Variants in ANO3 observed in about 807,000 individuals in gnomAD.
The protein encoded by ANO3 is anoctamin 3.
A neutral mutation model predicts 144.8 loss-of-function variants in ANO3; 99 were observed. The ratio of observed to expected loss-of-function variants is 0.68; its 90% CI spans 0.58 to 0.81. The LOEUF (loss-of-function observed/expected upper bound fraction) is 0.81, where lower values mean the gene tolerates loss of function less well. Ranked by LOEUF, ANO3 falls within the 30% of genes least tolerant of loss-of-function variation. The pLI, the probability that ANO3 is intolerant of heterozygous loss-of-function variation, is 0.00. For missense variants in ANO3, 905 were observed against 1,202.2 expected, an observed-to-expected ratio of 0.75 and a Z score of 3.66; for synonymous variants, 414 against 392.6, an observed-to-expected ratio of 1.05 and a Z score of -0.64.
chr11:26,340,513 C>A (rs1855328319), intron 1 of ANO3, among the ~76,000 whole-genome samples: 1 of 152,156 alleles, frequency 6.6e-6, no homozygotes, highest in East Asian at 1.9e-4. Flanking sequence ...TCCCTCTAGA[C>A]CTACCGAATC....
chr11:26,442,123 A>G lies in ANO3; in HGVS notation c.241+11A>G. Reference sequence around the variant, plus strand: ...ACAAAGCAGAGCAAGGTGAGCAGCAATTCCTATTTTCTTGTTCAATTTATA... The same window carrying G: ...ACAAAGCAGAGCAAGGTGAGCAGCAGTTCCTATTTTCTTGTTCAATTTATA... On this transcript the variant is annotated intron_variant, in intron 2 of 26. Coordinates refer to ENST00000256737, the MANE Select transcript of ANO3 (RefSeq NM_031418.4). 6.2e-7 allele frequency: 1 copy of G among 1,604,836 alleles called. No homozygotes were observed. Among genetic ancestry groups the G allele is most frequent in the South Asian group, 1.1e-5 (1 of 89,420 alleles).
intron 17 of ANO3, among the ~76,000 whole-genome samples, chr11:26,607,743 T>C (rs1180272681): frequency 6.6e-6 from 1 of 152,220 alleles, no homozygotes; most frequent in African/African-American, 2.4e-5. Context: ...GATACTTGTG[T>C]ATGCTTTATG....
intron 14 of ANO3, among the ~76,000 whole-genome samples, chr11:26,598,033 T>A (rs1358590682): frequency 6.6e-6 from 1 of 152,134 alleles, no homozygotes; most frequent in East Asian, 1.9e-4. Context: ...TTTATTTGAG[T>A]CTTTAGATAA....
chr11:26,456,313 A>G (rs1323668295), intron 3 of ANO3, among the ~76,000 whole-genome samples: 3 of 152,124 alleles, frequency 2.0e-5, no homozygotes, highest in East Asian at 1.9e-4. Flanking sequence ...CAAAATTTTC[A>G]CAACCTCCTC....
chr11:26,547,072 A>C (rs1019521800), intron 11 of ANO3, among the ~76,000 whole-genome samples: 2 of 151,844 alleles, frequency 1.3e-5, no homozygotes, highest in African/African-American at 2.4e-5. Context: ...CTTAATTTTC[A>C]TGAAAGCTAT....
chr11:26,395,343 A>G lies in ANO3; in HGVS notation c.47-46575A>G, dbSNP rs191410591. ...TCAGTGGTAATTTGATGGTGATAGC[A>G]TTGAATCTCTAAATTACTTTGGGCA... On this transcript the variant is annotated intron_variant, in intron 1 of 26. Coordinates refer to ENST00000256737, the MANE Select transcript of ANO3 (RefSeq NM_031418.4). 1.9e-4 allele frequency among the ~76,000 whole-genome samples: 29 copies of G among 152,244 alleles called. 1 individual carries two copies. The highest frequency in any genetic ancestry group is 7.2e-4 in the Admixed American group (11 of 15,288).
In ANO3 at chr11:26,215,052, C is replaced by A. The variant is rs115449135; in HGVS notation, c.154+25722C>A. On this transcript the variant is annotated intron_variant, in intron 1 of 27. Transcript: ENST00000672621. ...GATCACATCATGACAAAGGTACGTA[C>A]TATCAACATGACTTATAATCACTGA... 2.3e-3 allele frequency among the ~76,000 whole-genome samples: 344 copies of A among 152,062 alleles called. 3 individuals are homozygous for A. The highest frequency in any genetic ancestry group is 8.0e-3 in the African/African-American group (334 of 41,510).
intron 11 of ANO3, among the ~76,000 whole-genome samples, chr11:26,547,007 G>A (rs1849806132): frequency 6.6e-6 from 1 of 151,830 alleles, no homozygotes; most frequent in South Asian, 2.1e-4. Flanking sequence ...GGTGCAGATG[G>A]AGAGGGAAAT....
chr11:26,478,811 G>A (rs951601298), intron 4 of ANO3, among the ~76,000 whole-genome samples: 2 of 152,072 alleles, frequency 1.3e-5, no homozygotes, highest in African/African-American at 4.8e-5. Context: ...TCTCTTCTCA[G>A]ACCACACATA....
chr11:26,288,376 T>C (rs934132301), intron 1 of ANO3, among the ~76,000 whole-genome samples: 1 of 152,282 alleles, frequency 6.6e-6, no homozygotes, highest in South Asian at 2.1e-4. Context: ...CAGCTGGCAG[T>C]AACAGTGGGA....
chr11:26,438,966 T>C (rs375720465), intron 1 of ANO3, among the ~76,000 whole-genome samples: 4 of 152,308 alleles, frequency 2.6e-5, no homozygotes, highest in African/African-American at 9.6e-5. Context: ...AAAGACGTTG[T>C]GGTTTTGGCA....
chr11:26,393,093 A>G (rs899356138), intron 1 of ANO3, among the ~76,000 whole-genome samples: 19 of 152,108 alleles, frequency 1.2e-4, no homozygotes, highest in African/African-American at 4.6e-4. Context: ...AGCATCTTCT[A>G]ATTCTAAAAA....
chr11:26,206,433 A>G (rs1435489442), intron 1 of ANO3, among the ~76,000 whole-genome samples: 3 of 152,206 alleles, frequency 2.0e-5, no homozygotes, highest in African/African-American at 7.2e-5. Context: ...CATAACTACT[A>G]TTAAAATAGC....
intron 20 of ANO3, among the ~76,000 whole-genome samples, chr11:26,638,240 C>A (rs1444057084): frequency 6.6e-6 from 1 of 152,138 alleles, no homozygotes; most frequent in African/African-American, 2.4e-5. Flanking sequence ...AAATGAGCAG[C>A]TTTCCAGTGG....
chr11:26,355,442 C>A (rs1040535954), intron 1 of ANO3, among the ~76,000 whole-genome samples: 1 of 152,016 alleles, frequency 6.6e-6, no homozygotes, highest in Non-Finnish European at 1.5e-5. Flanking sequence ...TCTTTTGTAA[C>A]TGTTTATTTC....
chr11:26,423,574 G>C (rs567037264), intron 1 of ANO3, among the ~76,000 whole-genome samples: 6 of 151,664 alleles, frequency 4.0e-5, no homozygotes, highest in African/African-American at 1.4e-4. Flanking sequence ...AAAGATCAAC[G>C]TAAGAAATAC....
At chr11:26,556,421 A>G (rs995873676) in intron 13 of ANO3, among the ~76,000 whole-genome samples, 5 of 151,994 alleles carry the variant, frequency 3.3e-5, no homozygotes, top group African/African-American at 1.2e-4. Flanking sequence ...TTGAGGTTAC[A>G]ACAGAAGTAG....
At chr11:26,252,097 T>C (rs571276747) in intron 1 of ANO3, among the ~76,000 whole-genome samples, 1 of 152,340 alleles carries the variant, frequency 6.6e-6, no homozygotes, top group East Asian at 1.9e-4. Flanking sequence ...GGAATTATCT[T>C]ATGCAACATA....
chr11:26,451,807 C>T (rs935556556), intron 3 of ANO3, among the ~76,000 whole-genome samples: 9 of 152,170 alleles, frequency 5.9e-5, no homozygotes, highest in African/African-American at 1.9e-4. Flanking sequence ...GACCCCTGAC[C>T]CCTGAGCAGC....
Sources: allele counts gnomAD v4.1 joint callset (sites outside exome capture counted in the v4.1 genomes callset), GRCh38; gene constraint gnomAD v4.1.1; transcripts MANE v1.5; gene names NCBI Gene and HGNC (gene_info 2026-07-23, HGNC 2026-07-21).